Variants in DOCK9 observed in about 807,000 individuals in gnomAD.
The protein encoded by DOCK9 is dedicator of cytokinesis 9.
Under a neutral mutation model 263.3 loss-of-function variants are expected in DOCK9, and 89 were observed. The observed-to-expected ratio is 0.34, with a 90% CI of 0.28 to 0.40. The LOEUF (loss-of-function observed/expected upper bound fraction) is 0.40. Ranked by LOEUF, DOCK9 falls within the 10% of genes least tolerant of loss-of-function variation. DOCK9 has a pLI of 1.00. For synonymous variants in DOCK9, 976 were observed against 973.1 expected (o/e 1.00, Z -0.06); for missense variants, 2,140 against 2,603.4 (o/e 0.82, Z 3.87).
chr13:98,879,227 C>T (rs1457827895), intron 27 of DOCK9, among the ~76,000 whole-genome samples: 1 of 152,180 alleles, frequency 6.6e-6, no homozygotes, highest in Non-Finnish European at 1.5e-5. Flanking sequence ...AGTCCAGAGA[C>T]AAGACCAGTC....
chr13:98,822,660 T>C (rs1289385408), intron 45 of DOCK9, among the ~76,000 whole-genome samples: 10 of 143,428 alleles, frequency 7.0e-5, no homozygotes, highest in African/African-American at 2.5e-4. Flanking sequence ...TATTTGAGAG[T>C]AAAAAGTAAA....
intron 10 of DOCK9, among the ~76,000 whole-genome samples, chr13:98,904,320 AACTG>A (rs1408356389): frequency 2.6e-5 from 4 of 152,214 alleles, no homozygotes. Flanking sequence ...ACTCCCAGGC[AACTG>A]CAGTGATACC....
At chr13:99,052,157 A>T (rs919047386) in intron 1 of DOCK9, among the ~76,000 whole-genome samples, 2 of 152,168 alleles carry the variant, frequency 1.3e-5, no homozygotes, top group African/African-American at 4.8e-5. Flanking sequence ...AGTGGGGATG[A>T]TGGGCACAGC....
At chr13:98,824,283 T>G in intron 45 of DOCK9, 115 bp downstream of exon 45, 1 of 819,348 alleles carries the variant, frequency 1.2e-6, no homozygotes. Flanking sequence ...TAGAGCTATG[T>G]GTATAAGTAG....
intron 1 of DOCK9, among the ~76,000 whole-genome samples, chr13:98,974,725 G>A (rs1209383137): frequency 1.6e-5 from 2 of 127,016 alleles, no homozygotes; most frequent in Admixed American, 1.8e-4. Flanking sequence ...ACTCCAGCCT[G>A]GGCAACAAGA....
chr13:99,016,232 C>G (rs1365927169), intron 1 of DOCK9, among the ~76,000 whole-genome samples: 1 of 152,180 alleles, frequency 6.6e-6, no homozygotes, highest in African/African-American at 2.4e-5. Flanking sequence ...AGTGAAATCT[C>G]TAAGATGACT....
chr13:98,851,497 G>A (rs9582269), intron 35 of DOCK9, among the ~76,000 whole-genome samples: 30,060 of 152,168 alleles, frequency 0.2, 3,132 homozygotes, highest in Admixed American at 0.25. Flanking sequence ...CACACCAGAC[G>A]AAGCGGCCAG....
chr13:98,891,033 G>A (rs2046538024), intron 15 of DOCK9, among the ~76,000 whole-genome samples: 1 of 152,164 alleles, frequency 6.6e-6, no homozygotes, highest in Non-Finnish European at 1.5e-5. Context: ...GTACAGCCAA[G>A]CACTCCCCTA....
chr13:98,989,621 A>G (rs1879347189), intron 1 of DOCK9, among the ~76,000 whole-genome samples: 1 of 152,218 alleles, frequency 6.6e-6, no homozygotes, highest in Non-Finnish European at 1.5e-5. Context: ...CTGCACAGAT[A>G]TGACACATAT....
intron 18 of DOCK9, among the ~76,000 whole-genome samples, chr13:98,887,143 A>ATTTTTTTTTTTTTTTTT (rs58434344): frequency 2.1e-5 from 2 of 95,292 alleles, no homozygotes; most frequent in Non-Finnish European, 4.0e-5. Flanking sequence ...ATATATATAT[A>ATTTTTTTTTTTTTTTTT]TTTTTTTTTT....
At chr13:99,001,216 C>T (rs1039596907) in intron 1 of DOCK9, among the ~76,000 whole-genome samples, 13 of 152,306 alleles carry the variant, frequency 8.5e-5, no homozygotes, top group Admixed American at 3.3e-4. Flanking sequence ...CATTTACTTG[C>T]TGGTACGAAA....
chr13:99,086,323 G>T lies in DOCK9; in HGVS notation c.29C>A (p.Ser10Ter). ...CCGGGTGAACTTCCGAGTCTCCGCCGAGGCGGGGAGCAGCGGCGGCTGCGA... is the reference window on the plus strand; with the variant it reads ...CCGGGTGAACTTCCGAGTCTCCGCCTAGGCGGGGAGCAGCGGCGGCTGCGA... The change falls in exon 1 of 33, where the codon TCG becomes TAG. Residue 10 changes from serine to a stop codon, truncating the protein, a stop_gained. Transcript: ENST00000427887. LOFTEE classifies it high-confidence loss of function. The T allele has an allele frequency of 6.8e-7, 1 of 1,472,370 alleles. No homozygotes were observed. The highest frequency in any genetic ancestry group is 9.0e-7 in the Non-Finnish European group (1 of 1,117,062). The allele number at this position is 1,472,370 out of a possible 1,614,324, so 91.2% of individuals were successfully genotyped here. A position where few individuals can be genotyped will look rare whatever the true frequency, so the allele number is the denominator to read the frequency against.
chr13:98,847,189 A>T (rs536170326), intron 37 of DOCK9: 1 of 155,216 alleles, frequency 6.4e-6, no homozygotes, highest in Non-Finnish European at 1.4e-5. Context: ...ATTTTATTCT[A>T]CTTGGCACAA....
rs563753930 is a variant in DOCK9 at position 99,065,103 on chromosome 13, C to T, written c.129+21120G>A. 3.2e-4 allele frequency among the ~76,000 whole-genome samples: 48 copies of T among 152,278 alleles called. 1 individual carries two copies. In the South Asian group the frequency reaches 9.5e-3, roughly 30 times the overall value. ...TGAAACCTAAGGCTATAGTTAATGC[C>T]TCTTGCTTCTTGACCTCACCTGGCC... On this transcript the variant is annotated intron_variant, in intron 1 of 32. Transcript: ENST00000427887.
At chr13:98,926,029 T>G (rs776655687) in intron 3 of DOCK9, 110 bp from the exon 4 acceptor site, 10 of 784,956 alleles carry the variant, frequency 1.3e-5, no homozygotes, top group African/African-American at 5.3e-5. Context: ...TCAAAAAAAT[T>G]TTTTCCCATC....
At chr13:98,832,805 A>T (rs951074687) in intron 39 of DOCK9, among the ~76,000 whole-genome samples, 7 of 151,588 alleles carry the variant, frequency 4.6e-5, no homozygotes, top group Non-Finnish European at 1.0e-4. Flanking sequence ...TGACATTAAT[A>T]AAAAAAAATG....
chr13:98,823,970 G>A (rs1163657266), intron 45 of DOCK9, among the ~76,000 whole-genome samples: 3 of 152,226 alleles, frequency 2.0e-5, no homozygotes, highest in African/African-American at 4.8e-5. Flanking sequence ...ACCAGGACCC[G>A]AGTCTGGCCT....
At chr13:98,898,137 C>A in intron 14 of DOCK9, 42 bp downstream of exon 14, 1 of 1,431,426 alleles carries the variant, frequency 7.0e-7, no homozygotes, top group Non-Finnish European at 9.7e-7. Context: ...CATCCATGCA[C>A]CTATCTATAT....
intron 43 of DOCK9, 126 bp from the exon 44 acceptor site, chr13:98,827,013 T>TAGAA: frequency 6.5e-6 from 4 of 617,758 alleles, no homozygotes; most frequent in South Asian, 2.9e-5. Context: ...AGCTAGTATT[T>TAGAA]CTAATAGCTG....
Sources: gnomAD v4.1 joint callset for allele counts (sites outside exome capture counted in the v4.1 genomes callset) on GRCh38, gnomAD v4.1.1 for gene constraint, MANE v1.5 for transcripts, NCBI Gene and HGNC (gene_info 2026-07-23, HGNC 2026-07-21) for gene names.